The following PTPRT variants were observed in gnomAD, a reference collection of about 807,000 sequenced individuals.
PTPRT encodes the protein protein tyrosine phosphatase receptor type T, also known as receptor-type tyrosine-protein phosphatase T.
Under a neutral mutation model 176.8 loss-of-function variants are expected in PTPRT, and 56 were observed. The ratio of observed to expected loss-of-function variants is 0.32; its 90% confidence interval spans 0.26 to 0.40. PTPRT has a LOEUF of 0.40. Among genes scored for constraint, PTPRT ranks in the 10% least tolerant of loss-of-function variants. PTPRT has a pLI of 1.00. For missense variants in PTPRT, 1,540 were observed against 1,908.2 expected (o/e 0.81, Z 3.60); for synonymous variants, 783 against 739.0 (o/e 1.06, Z -0.96).
At chr20:43,035,737 G>A (rs963900113) in intron 1 of PTPRT, among the ~76,000 whole-genome samples, 38 of 152,318 alleles carry the variant, frequency 2.5e-4, no homozygotes, top group Admixed American at 1.4e-3. Flanking sequence ...GTTCCCAACA[G>A]TTTAAGAAAA....
intron 1 of PTPRT, among the ~76,000 whole-genome samples, chr20:43,033,423 C>G (rs1371366647): frequency 6.6e-6 from 1 of 152,154 alleles, no homozygotes; most frequent in Non-Finnish European, 1.5e-5. Flanking sequence ...CTCTCCACCA[C>G]CAGGACCCAT....
chr20:42,900,870 G>A (rs1349746427), intron 1 of PTPRT, among the ~76,000 whole-genome samples: 1 of 151,996 alleles, frequency 6.6e-6, no homozygotes, highest in Non-Finnish European at 1.5e-5. Context: ...AAAACCCCTC[G>A]TGGCTTGGAA....
At position 42,780,301 on chromosome 20, in the gene PTPRT, T is replaced by C. The variant is rs2145497935; in HGVS notation, c.487-2A>G. Reference sequence around the variant, plus strand: ...CAATGAGACGGATTCAAATATCACCTGCAACACACAGGGCGGGAGTCAATT... The same window carrying C: ...CAATGAGACGGATTCAAATATCACCCGCAACACACAGGGCGGGAGTCAATT... On this transcript the variant is annotated splice_acceptor_variant, in intron 3 of 30. Transcript: ENST00000373187. LOFTEE classifies it high-confidence loss of function. 6.2e-7 allele frequency: 1 copy of C among 1,613,006 alleles called. No individual in the cohort carries two copies. Among genetic ancestry groups the C allele is most frequent in the East Asian group, 2.2e-5 (1 of 44,858 alleles).
intron 1 of PTPRT, among the ~76,000 whole-genome samples, chr20:42,901,386 A>G (rs2079401391): frequency 6.6e-6 from 1 of 152,190 alleles, no homozygotes; most frequent in Non-Finnish European, 1.5e-5. Flanking sequence ...TATTACTCCC[A>G]TCACAGAATG....
At chr20:42,447,355 G>T (rs548952246) in intron 9 of PTPRT, among the ~76,000 whole-genome samples, 183 of 152,092 alleles carry the variant, frequency 1.2e-3, no homozygotes, top group African/African-American at 4.1e-3. Context: ...ATCTACCAAA[G>T]GTAACTCAGG....
chr20:42,256,875 C>G (rs1032594126), intron 13 of PTPRT, among the ~76,000 whole-genome samples: 1 of 152,212 alleles, frequency 6.6e-6, no homozygotes, highest in African/African-American at 2.4e-5. Flanking sequence ...AAGTGGAACT[C>G]TGGTAGACCC....
At chr20:42,239,716 C>T (rs1011880646) in intron 14 of PTPRT, among the ~76,000 whole-genome samples, 4 of 152,102 alleles carry the variant, frequency 2.6e-5, no homozygotes, top group Admixed American at 6.6e-5. Flanking sequence ...ACCGCCGTGC[C>T]CAGCCCATAG....
At chr20:42,454,616 T>C (rs2070888996) in intron 8 of PTPRT, among the ~76,000 whole-genome samples, 1 of 152,368 alleles carries the variant, frequency 6.6e-6, no homozygotes, top group South Asian at 2.1e-4. Context: ...TTGGATATTA[T>C]TGTCCTTTTC....
intron 2 of PTPRT, among the ~76,000 whole-genome samples, chr20:42,850,389 G>A (rs976705398): frequency 2.6e-5 from 4 of 152,144 alleles, no homozygotes; most frequent in Non-Finnish European, 5.9e-5. Context: ...TTTAACGTCC[G>A]AACCGGAATA....
intron 2 of PTPRT, among the ~76,000 whole-genome samples, chr20:42,824,951 TCA>T (rs1253450476): frequency 6.6e-6 from 1 of 152,022 alleles, no homozygotes; most frequent in Non-Finnish European, 1.5e-5. Flanking sequence ...AACAGATAAT[TCA>T]CAGAGGACAA....
At position 42,080,768 on chromosome 20, in the gene PTPRT, G is replaced by C; in HGVS notation, c.*111C>G. The C allele has an allele frequency of 5.5e-6, 6 of 1,086,570 alleles. No individual in the cohort carries two copies. Among genetic ancestry groups the C allele is most frequent in the Non-Finnish European group, 8.3e-6 (6 of 722,782 alleles). 67.3% of individuals were successfully genotyped at this position (1,086,570 alleles called of 1,614,324 possible). A position where few individuals can be genotyped will look rare whatever the true frequency, so the allele number is the denominator to read the frequency against. ...CAGGGCCACCAGTCTTCTCCTTGGA[G>C]TCAGGCAGGGTGCCACCTCAGAGCT... On this transcript the variant is annotated 3_prime_UTR_variant, in exon 31 of 31. Coordinates refer to ENST00000373187, the MANE Select transcript of PTPRT (RefSeq NM_007050.6).
Position 42,784,696 on chromosome 20 carries a change from G to A in PTPRT, c.487-4397C>T, listed in dbSNP as rs547236421. Among the ~76,000 whole-genome samples the A allele has an allele frequency of 4.6e-5, 7 of 152,214 alleles. No homozygotes were observed. The South Asian group carries it at 1.5e-3, about 32-fold the overall frequency. ...TTTAAAGTCCAGTTGAACCAAAGCT[G>A]GGTGAGTCCTTAATTTCAGGGGCCT... On this transcript the variant is annotated intron_variant, in intron 3 of 30. Coordinates refer to ENST00000373187, the MANE Select transcript of PTPRT (RefSeq NM_007050.6).
Position 42,439,285 on chromosome 20 carries a change from A to G in PTPRT, c.1560+8935T>C, listed in dbSNP as rs114907795. Reference sequence around the variant, plus strand: ...TGCACATGTCTTTTTTAATCTCACAAAAAAAACCACAACAGGACTGACTTC... The same window carrying G: ...TGCACATGTCTTTTTTAATCTCACAGAAAAAACCACAACAGGACTGACTTC... On this transcript the variant is annotated intron_variant, in intron 9 of 30. Coordinates refer to ENST00000373187, the MANE Select transcript of PTPRT (RefSeq NM_007050.6). Among the ~76,000 whole-genome samples the G allele has an allele frequency of 5.0e-3, 764 of 152,246 alleles. 9 individuals are homozygous for G. Among genetic ancestry groups the G allele is most frequent in the African/African-American group, 0.018 (734 of 41,528 alleles).
intron 1 of PTPRT, among the ~76,000 whole-genome samples, chr20:43,177,797 C>T (rs921451440): frequency 9.2e-5 from 14 of 152,272 alleles, no homozygotes; most frequent in African/African-American, 3.1e-4. Context: ...AACCTGGCCC[C>T]GTTACAGTTT....
intron 7 of PTPRT, among the ~76,000 whole-genome samples, chr20:42,578,387 T>G (rs569777777): frequency 9.2e-5 from 14 of 152,282 alleles, no homozygotes; most frequent in African/African-American, 2.9e-4. Context: ...GTCACAGAAC[T>G]AATCATGGTG....
intron 1 of PTPRT, among the ~76,000 whole-genome samples, chr20:43,046,346 C>T (rs549712256): frequency 2.0e-5 from 3 of 151,890 alleles, no homozygotes; most frequent in Admixed American, 6.6e-5. Context: ...CTGAGGCAGG[C>T]GGATCATGAG....
Position 42,780,235 on chromosome 20 carries a change from A to T in PTPRT, c.551T>A (p.Val184Asp), listed in dbSNP as rs780420080. The T allele has an allele frequency of 6.2e-7, 1 of 1,613,846 alleles. No homozygotes were observed. Among genetic ancestry groups the T allele is most frequent in the Admixed American group, 1.7e-5 (1 of 60,010 alleles). Reference protein sequence around the residue: ...PGYIAVDEVRVLAHPCRKAPH... With the variant: ...PGYIAVDEVRDLAHPCRKAPH... ...AGACTTACTGCATGGATGAGCAAGG[A>T]CCCGGACCTCGTCCACGGCGATGTA... The change falls in exon 4 of 31, where the codon GTC (valine) becomes GAC (aspartate). Residue 184 changes from valine to aspartate, a missense_variant. Transcript: ENST00000373187.
chr20:42,453,254 G>A (rs2070863123), intron 8 of PTPRT, among the ~76,000 whole-genome samples: 1 of 152,056 alleles, frequency 6.6e-6, no homozygotes, highest in Non-Finnish European at 1.5e-5. Flanking sequence ...TTGGGAAGCA[G>A]AGAGTATCAC....
chr20:42,927,238 C>A (rs1003240293), intron 1 of PTPRT, among the ~76,000 whole-genome samples: 1 of 152,152 alleles, frequency 6.6e-6, no homozygotes, highest in Admixed American at 6.5e-5. Flanking sequence ...AAAGGCAAGA[C>A]CTGCTTAAGG....
Sources: gnomAD v4.1 joint callset for allele counts (sites outside exome capture counted in the v4.1 genomes callset) on GRCh38, gnomAD v4.1.1 for gene constraint, MANE v1.5 for transcripts, NCBI Gene and HGNC (gene_info 2026-07-23, HGNC 2026-07-21) for gene names.